The following CHST12 variants were observed in gnomAD, a reference collection of about 807,000 sequenced individuals.
CHST12 encodes carbohydrate (chondroitin 4) sulfotransferase 12.
In CHST12, 23 loss-of-function variants were observed where a neutral mutation model predicts 27.9. That is an observed-to-expected ratio of 0.82 (90% CI 0.59 to 1.17). CHST12 has a LOEUF of 1.17. Ranked by LOEUF, CHST12 falls within the 50% of genes most tolerant of loss-of-function variation. The pLI is 0.00. For missense variants in CHST12, 682 were observed against 603.0 expected (o/e 1.13, Z -1.37); for synonymous variants, 322 against 273.0 (o/e 1.18, Z -1.77).
intron 1 of CHST12, among the ~76,000 whole-genome samples, chr7:2,427,280 C>T (rs1017649288): frequency 6.6e-6 from 1 of 152,114 alleles, no homozygotes; most frequent in Non-Finnish European, 1.5e-5. Context: ...GGCCAGCTTG[C>T]TAGAGCCCAG....
In CHST12 at chr7:2,442,115, A is replaced by ACCT. The variant is rs1349567160; in HGVS notation, c.*8235_*8237dup. ...TTCCTGTCTCTGAGTTTGACTAGGGACCTCCTGTAAGTGGATTTGTACAAT... is the reference window on the plus strand; with the variant it reads ...TTCCTGTCTCTGAGTTTGACTAGGGACCTCCTCCTGTAAGTGGATTTGTACAAT... On this transcript the variant is annotated 3_prime_UTR_variant, in exon 2 of 2. Coordinates refer to ENST00000618655, the MANE Select transcript of CHST12 (RefSeq NM_018641.5). The ACCT allele has an allele frequency of 6.7e-6, 1 of 149,590 alleles. No homozygotes were observed. The highest frequency in any genetic ancestry group is 2.5e-5 in the African/African-American group (1 of 40,490). The allele number at this position is 149,590 out of a possible 1,614,324, so 9.3% of individuals were successfully genotyped here.
intron 1 of CHST12, among the ~76,000 whole-genome samples, chr7:2,428,960 A>G (rs1782203452): frequency 6.6e-6 from 1 of 152,200 alleles, no homozygotes; most frequent in Non-Finnish European, 1.5e-5. Context: ...TATCTTATCC[A>G]TATGGACAGG....
At chr7:2,422,101 C>A (rs919061318) in intron 1 of CHST12, among the ~76,000 whole-genome samples, 2 of 152,194 alleles carry the variant, frequency 1.3e-5, no homozygotes, top group Non-Finnish European at 2.9e-5. Flanking sequence ...GCGGCAGCAT[C>A]CCTGGCCTCT....
intron 1 of CHST12, among the ~76,000 whole-genome samples, chr7:2,426,506 A>T (rs1389173292): frequency 6.6e-6 from 1 of 151,958 alleles, no homozygotes; most frequent in Non-Finnish European, 1.5e-5. Context: ...GACTTCGCTG[A>T]GCTGGGGATG....
At chr7:2,432,026 G>A (rs796965963) in intron 1 of CHST12, among the ~76,000 whole-genome samples, 3 of 151,692 alleles carry the variant, frequency 2.0e-5, no homozygotes, top group South Asian at 2.1e-4. Flanking sequence ...ATATAGATTC[G>A]AAGATTAAAA....
chr7:2,427,389 T>G (rs1460908206), intron 1 of CHST12, among the ~76,000 whole-genome samples: 1 of 151,316 alleles, frequency 6.6e-6, no homozygotes, highest in Non-Finnish European at 1.5e-5. Context: ...CAGTCCCAGC[T>G]ACTTGGAAGG....
intron 1 of CHST12, among the ~76,000 whole-genome samples, chr7:2,409,038 G>A (rs998649578): frequency 2.0e-5 from 3 of 152,190 alleles, no homozygotes; most frequent in African/African-American, 7.2e-5. Flanking sequence ...GAAAACACAA[G>A]GCTGTTATTA....
chr7:2,430,866 A>T (rs1189262710), intron 1 of CHST12, among the ~76,000 whole-genome samples: 6 of 152,206 alleles, frequency 3.9e-5, no homozygotes, highest in Non-Finnish European at 7.3e-5. Flanking sequence ...GGGATTACAG[A>T]TGTGAGCCAC....
intron 1 of CHST12, among the ~76,000 whole-genome samples, chr7:2,428,390 T>C (rs1484652015): frequency 6.6e-6 from 1 of 152,112 alleles, no homozygotes. Flanking sequence ...AGAGACGGTA[T>C]TGTGGGATCT....
At chr7:2,407,823 G>A (rs1781562329) in intron 1 of CHST12, among the ~76,000 whole-genome samples, 1 of 152,118 alleles carries the variant, frequency 6.6e-6, no homozygotes, top group Admixed American at 6.6e-5. Flanking sequence ...CCATACTCAG[G>A]AGGCTGAGGC....
chr7:2,434,020 T>C lies in CHST12; in HGVS notation c.*136T>C, dbSNP rs1782395712. 1 of 646,912 alleles carries C rather than the reference T, an allele frequency of 1.5e-6. No homozygotes were observed. Among genetic ancestry groups the C allele is most frequent in the Non-Finnish European group, 2.6e-6 (1 of 381,588 alleles). 40.1% of individuals were successfully genotyped at this position (646,912 alleles called of 1,614,324 possible). On this transcript the variant is annotated 3_prime_UTR_variant, in exon 2 of 2. Coordinates refer to ENST00000618655, the MANE Select transcript of CHST12 (RefSeq NM_018641.5). The stretch of plus-strand genomic sequence containing the variant: ...CTATCCATTGAGTACTGTATCGATA[T>C]TGTTTTTTAAGATTAATATATTTCA...
Position 2,446,906 on chromosome 7 carries a change from A to T in CHST12, c.*13022A>T, listed in dbSNP as rs1027330924. On this transcript the variant is annotated 3_prime_UTR_variant, in exon 2 of 2. Coordinates refer to ENST00000618655, the MANE Select transcript of CHST12 (RefSeq NM_018641.5). Reference sequence around the variant, plus strand: ...TCCGTCCCACGCAGCCTGGCCTGAAACACTGCCCAGCCACTGGGTCCAGTA... The same window carrying T: ...TCCGTCCCACGCAGCCTGGCCTGAATCACTGCCCAGCCACTGGGTCCAGTA... 2 of 152,216 alleles carry T rather than the reference A, an allele frequency of 1.3e-5. No homozygotes were observed. Among genetic ancestry groups the T allele is most frequent in the Non-Finnish European group, 2.9e-5 (2 of 68,088 alleles). The allele number at this position is 152,216 out of a possible 1,614,324, so 9.4% of individuals were successfully genotyped here.
chr7:2,441,910 C>T lies in CHST12; in HGVS notation c.*8026C>T, dbSNP rs1782615237. The T allele has an allele frequency of 6.6e-6, 1 of 152,014 alleles. No homozygotes were observed. Among genetic ancestry groups the T allele is most frequent in the Non-Finnish European group, 1.5e-5 (1 of 68,014 alleles). 9.4% of individuals were successfully genotyped at this position (152,014 alleles called of 1,614,324 possible). ...ATGCAACATAAAATGTGCCCTCTTC[C>T]CCATTTTTAAGTGAACAGTTCAGTG... On this transcript the variant is annotated 3_prime_UTR_variant, in exon 2 of 2. Coordinates refer to ENST00000618655, the MANE Select transcript of CHST12 (RefSeq NM_018641.5).
chr7:2,432,904 G>C lies in CHST12; in HGVS notation c.265G>C (p.Glu89Gln), dbSNP rs748481497. The change falls in exon 2 of 2, where the codon GAG becomes CAG. Residue 89 changes from glutamate to glutamine, a missense_variant. Coordinates refer to ENST00000618655, the MANE Select transcript of CHST12 (RefSeq NM_018641.5). ...KQSDLPRKET[E>Q]QPPAPGSMEE... ...GAGCGACCTTCCCAGAAAGGAGACG[G>C]AGCAGCCGCCTGCGCCGGGGAGCAT... 1 of 1,613,236 alleles carries C rather than the reference G, an allele frequency of 6.2e-7. No homozygotes were observed. Among genetic ancestry groups the C allele is most frequent in the East Asian group, 2.2e-5 (1 of 44,868 alleles).
intron 1 of CHST12, among the ~76,000 whole-genome samples, chr7:2,405,685 A>G (rs17793630): frequency 0.045 from 6,774 of 152,164 alleles, 222 homozygotes; most frequent in Non-Finnish European, 0.062. Flanking sequence ...GATGTTGCCA[A>G]ATCCACTGGG....
chr7:2,428,193 CTCTCT>C (rs1782180804), intron 1 of CHST12, among the ~76,000 whole-genome samples: 1 of 140,164 alleles, frequency 7.1e-6, no homozygotes, highest in Non-Finnish European at 1.5e-5. Context: ...AGCTTTCTCT[CTCTCT>C]TTTTTTTTTT....
Position 2,438,545 on chromosome 7 carries a change from G to A in CHST12, c.*4661G>A, listed in dbSNP as rs1033573281. 2 of 152,146 alleles carry A rather than the reference G, an allele frequency of 1.3e-5. No individual in the cohort carries two copies. Among genetic ancestry groups the A allele is most frequent in the African/African-American group, 4.8e-5 (2 of 41,398 alleles). 9.4% of individuals were successfully genotyped at this position (152,146 alleles called of 1,614,324 possible). A position where few individuals can be genotyped will look rare whatever the true frequency, so the allele number is the denominator to read the frequency against. ...GGCGCTCCCATGCCCATTATCCAGG[G>A]GTAATTTTTGCTCACTTATTTATAA... On this transcript the variant is annotated 3_prime_UTR_variant, in exon 2 of 2. Coordinates refer to ENST00000618655, the MANE Select transcript of CHST12 (RefSeq NM_018641.5).
intron 1 of CHST12, among the ~76,000 whole-genome samples, chr7:2,405,524 G>C (rs913631051): frequency 6.6e-6 from 1 of 152,170 alleles, no homozygotes; most frequent in Non-Finnish European, 1.5e-5. Context: ...TGGTGGTTTG[G>C]GTGCGACGCG....
rs1239336692 is a variant in CHST12, at chr7:2,446,384, A to C, written c.*12500A>C. ...GAGGAAAAACCCAGGCTCTGAGGAA[A>C]AACCTCTCCAGCCCAGCGCGTGGCC... is the stretch of plus-strand genomic sequence containing the variant. On this transcript the variant is annotated 3_prime_UTR_variant, in exon 2 of 2. Coordinates refer to ENST00000618655, the MANE Select transcript of CHST12 (RefSeq NM_018641.5). The C allele has an allele frequency of 6.5e-6, 1 of 152,720 alleles. No homozygotes were observed. Among genetic ancestry groups the C allele is most frequent in the Non-Finnish European group, 1.5e-5 (1 of 68,098 alleles). The allele number at this position is 152,720 out of a possible 1,614,324, so 9.5% of individuals were successfully genotyped here.
Sources: gnomAD v4.1 joint callset for allele counts (sites outside exome capture counted in the v4.1 genomes callset) on GRCh38, gnomAD v4.1.1 for gene constraint, MANE v1.5 for transcripts, NCBI Gene and HGNC (gene_info 2026-07-23, HGNC 2026-07-21) for gene names.